The following UHRF1 variants were observed in gnomAD, a reference collection of about 807,000 sequenced individuals.
UHRF1 encodes the protein ubiquitin like with PHD and ring finger domains 1.
Under a neutral mutation model 96.5 loss-of-function variants are expected in UHRF1, and 9 were observed. The observed-to-expected ratio is 0.09, with a 90% CI of 0.06 to 0.16. The LOEUF (loss-of-function observed/expected upper bound fraction) is 0.16. Among genes scored for constraint, UHRF1 ranks in the 10% least tolerant of loss-of-function variants. The pLI is 1.00. For missense variants in UHRF1, 626 were observed against 1,131.1 expected, an observed-to-expected ratio of 0.55 and a Z score of 6.40; for synonymous variants, 455 against 469.9, an observed-to-expected ratio of 0.97 and a Z score of 0.41.
At chr19:4,904,146 C>T (rs544353541) in intron 1 of UHRF1, among the ~76,000 whole-genome samples, 4 of 151,462 alleles carry the variant, frequency 2.6e-5, no homozygotes, top group East Asian at 1.9e-4. Context: ...CACCTGCCCC[C>T]GTGCCCGGCT....
chr19:4,938,701 A>C (rs2033287868), intron 5 of UHRF1, among the ~76,000 whole-genome samples: 2 of 124,262 alleles, frequency 1.6e-5, no homozygotes, highest in South Asian at 2.7e-4. Context: ...GAGCCACTGC[A>C]CCTGGCATAA....
upstream of UHRF1, chr19:4,909,206 AGGGGGTCTGTACCCT>A: frequency 2.2e-6 from 1 of 464,742 alleles, no homozygotes; most frequent in South Asian, 3.1e-5. Context: ...TTAAGAGTTC[AGGGGGTCTGTACCCT>A]GGGGGTCCCC....
At position 4,930,837 on chromosome 19, in the gene UHRF1, C is replaced by T. The variant is rs1374783788; in HGVS notation, c.530C>T (p.Ala177Val). 14 of 1,613,820 alleles carry T rather than the reference C, an allele frequency of 8.7e-6. No homozygotes were observed. The highest frequency in any genetic ancestry group is 2.2e-5 in the South Asian group (2 of 91,082). The change falls in exon 4 of 17, where the codon GCG (alanine) becomes GTG (valine). Residue 177 changes from alanine to valine, a missense_variant. Coordinates refer to ENST00000650932, the MANE Select transcript of UHRF1 (RefSeq NM_001048201.3). This position sits in a 1 kb window ranked among gnomAD's most constrained non-coding sequence, Gnocchi z 4.4. The part of the protein sequence containing the change: ...DEPCSSTSRP[A>V]LEEDVIYHVK... ...CCCTGCAGCTCCACGTCCAGGCCGGCGCTGGAGGAGGACGTCATTTACCAC... is the reference window on the plus strand; with the variant it reads ...CCCTGCAGCTCCACGTCCAGGCCGGTGCTGGAGGAGGACGTCATTTACCAC...
rs781278514 is a variant in UHRF1 at position 4,950,692 on chromosome 19, C to A, written c.1599C>A (p.Val533=). Residue 533 remains valine, a synonymous_variant, in exon 12 of 17, where the codon GTC becomes GTA. Coordinates refer to ENST00000650932, the MANE Select transcript of UHRF1 (RefSeq NM_001048201.3). ...AGGACTGGCGGTCGGGGAAGCCGGT[C>A]AGGGTGGTGCGCAATGTCAAGGGTG... is the stretch of plus-strand genomic sequence containing the variant. ...EAKDWRSGKP[V]RVVRNVKGGK... The A allele has an allele frequency of 6.2e-7, 1 of 1,607,994 alleles. No individual in the cohort carries two copies. The highest frequency in any genetic ancestry group is 1.7e-5 in the Admixed American group (1 of 58,888).
chr19:4,958,940 C>T (rs117503491), intron 16 of UHRF1, among the ~76,000 whole-genome samples: 2,997 of 144,154 alleles, frequency 0.021, 41 homozygotes, highest in Admixed American at 0.033. Context: ...CCAGCCTGGG[C>T]GTCAGAGCAA....
chr19:4,927,572 T>A (rs1210988680), intron 2 of UHRF1, among the ~76,000 whole-genome samples: 2 of 152,058 alleles, frequency 1.3e-5, no homozygotes, highest in Non-Finnish European at 2.9e-5. Context: ...GAGGAAGAGC[T>A]GACATTCTAT....
At chr19:4,940,232 G>A (rs1190661579) in intron 5 of UHRF1, among the ~76,000 whole-genome samples, 1 of 151,696 alleles carries the variant, frequency 6.6e-6, no homozygotes, top group Non-Finnish European at 1.5e-5. Context: ...CACAGCGTGT[G>A]TTCAAGTGCT....
chr19:4,933,957 T>TTGTGTGTGTG (rs753933265), intron 5 of UHRF1, among the ~76,000 whole-genome samples: 1,131 of 97,772 alleles, frequency 0.012, 27 homozygotes, highest in African/African-American at 0.036. Context: ...CCTTGCCTCT[T>TTGTGTGTGTG]TGTGTGTGTG....
At chr19:4,956,857 G>A (rs901648913) in intron 16 of UHRF1, 44 bp downstream of exon 16, 1 of 1,412,830 alleles carries the variant, frequency 7.1e-7, no homozygotes, top group Admixed American at 1.9e-5. Flanking sequence ...GGTTCTGGAA[G>A]GATGACCTGA....
At chr19:4,942,893 G>A (rs1028928065) in intron 7 of UHRF1, among the ~76,000 whole-genome samples, 19 of 152,174 alleles carry the variant, frequency 1.2e-4, no homozygotes, top group African/African-American at 3.4e-4. Flanking sequence ...AACTGTGATC[G>A]CGCCACTGTA....
Position 4,941,510 on chromosome 19 carries a change from C to T in UHRF1, c.786-18C>T, listed in dbSNP as rs371304717. On this transcript the variant is annotated intron_variant, in intron 5 of 16. Coordinates refer to ENST00000650932, the MANE Select transcript of UHRF1 (RefSeq NM_001048201.3). ...GCCTCGGCAGGCCAGAATGTTCCAG[C>T]GTCCTCGTTCCTTGCAGGGATGATT... is the stretch of plus-strand genomic sequence containing the variant. The T allele has an allele frequency of 1.1e-5, 18 of 1,600,990 alleles. No homozygotes were observed. The highest frequency in any genetic ancestry group is 3.4e-5 in the Admixed American group (2 of 58,820).
exon 1 of UHRF1, chr19:4,903,164 C>A (rs2031982879): frequency 3.5e-6 from 1 of 282,260 alleles, no homozygotes; most frequent in Non-Finnish European, 6.8e-6. Context: ...GTAGCTGGGA[C>A]CACGGGTGCA....
chr19:4,938,255 A>ACT lies in UHRF1; in HGVS notation c.786-3272_786-3271dup, dbSNP rs2033275081. 2.6e-5 allele frequency among the ~76,000 whole-genome samples: 4 copies of ACT among 151,552 alleles called. 1 individual carries two copies. In the South Asian group the frequency reaches 8.4e-4, roughly 32 times the overall value. Reference sequence around the variant, plus strand: ...ATTGAATTTCTTCTATGCTTATGTGACTGTCTGGACTATCTGTTTCATCAT... The same window carrying ACT: ...ATTGAATTTCTTCTATGCTTATGTGACTCTGTCTGGACTATCTGTTTCATCAT... On this transcript the variant is annotated intron_variant, in intron 5 of 16. Coordinates refer to ENST00000650932, the MANE Select transcript of UHRF1 (RefSeq NM_001048201.3).
chr19:4,941,474 T>G, intron 5 of UHRF1, 54 bp from the exon 6 acceptor site: 1 of 1,431,354 alleles, frequency 7.0e-7, no homozygotes, highest in East Asian at 2.4e-5. Flanking sequence ...GTGCTGTGAG[T>G]AGATTTAGGG....
chr19:4,914,081 C>T (rs1399552461), intron 2 of UHRF1, among the ~76,000 whole-genome samples: 2 of 152,176 alleles, frequency 1.3e-5, no homozygotes, highest in African/African-American at 4.8e-5. Flanking sequence ...CCACCTTGGC[C>T]TCCCAAAGTG....
intron 2 of UHRF1, among the ~76,000 whole-genome samples, chr19:4,922,859 G>A (rs1343767036): frequency 1.3e-5 from 2 of 152,170 alleles, no homozygotes; most frequent in African/African-American, 4.8e-5. Flanking sequence ...GACACTTCCT[G>A]TCCCTCCTAC....
At chr19:4,932,314 C>A (rs569466645) in intron 4 of UHRF1, among the ~76,000 whole-genome samples, 1 of 151,480 alleles carries the variant, frequency 6.6e-6, no homozygotes, top group Admixed American at 6.6e-5. Context: ...GTGATCTTCC[C>A]GCTTCGGCCT....
chr19:4,950,518 A>C, intron 11 of UHRF1, 93 bp from the exon 12 acceptor site: 3 of 1,372,168 alleles, frequency 2.2e-6, no homozygotes, highest in Non-Finnish European at 3.0e-6. Flanking sequence ...TGCTGGGATT[A>C]CAGGCCTGAG....
chr19:4,931,689 A>G (rs1490509024), intron 4 of UHRF1, among the ~76,000 whole-genome samples: 1 of 151,342 alleles, frequency 6.6e-6, no homozygotes, highest in East Asian at 2.0e-4. Context: ...GGCTGGTCTC[A>G]AACTTCTGAC....
Sources: gnomAD v4.1 joint callset for allele counts (sites outside exome capture counted in the v4.1 genomes callset) on GRCh38, gnomAD v4.1.1 for gene constraint, Gnocchi (gnomAD v3.1) non-coding constraint, MANE v1.5 for transcripts, NCBI Gene and HGNC (gene_info 2026-07-23, HGNC 2026-07-21) for gene names.